Variants in TRPM3 observed in about 807,000 individuals in gnomAD.
TRPM3 encodes transient receptor potential cation channel subfamily M member 3.
A neutral mutation model predicts 181.2 loss-of-function variants in TRPM3; 77 were observed. The observed-to-expected ratio is 0.42, with a 90% CI of 0.35 to 0.51. The LOEUF (loss-of-function observed/expected upper bound fraction) is 0.51. Among genes scored for constraint, TRPM3 ranks in the 20% least tolerant of loss-of-function variants. The pLI is 0.01. For missense variants in TRPM3, 1,759 were observed against 2,196.7 expected (o/e 0.80, Z 3.98); for synonymous variants, 745 against 796.4 (o/e 0.94, Z 1.09).
intron 1 of TRPM3, among the ~76,000 whole-genome samples, chr9:71,162,504 T>C (rs917412466): frequency 6.0e-4 from 91 of 152,252 alleles, no homozygotes; most frequent in African/African-American, 1.9e-3. Context: ...ATTTTACATA[T>C]ATAGCTTCAT....
At chr9:70,630,996 T>C (rs1402625980) in intron 12 of TRPM3, among the ~76,000 whole-genome samples, 1 of 152,236 alleles carries the variant, frequency 6.6e-6, no homozygotes, top group African/African-American at 2.4e-5. Flanking sequence ...TTAGGAAAAC[T>C]GTCTTCCTTT....
Position 70,637,886 on chromosome 9 carries a change from A to G in TRPM3, c.1581+1174T>C, listed in dbSNP as rs2057463266. ...TGGTTTGAATGTTTGTGTCCTCTCC[A>G]GAATTCATGTTGAAAGTTAATTTCC... On this transcript the variant is annotated intron_variant, in intron 11 of 25. Coordinates refer to ENST00000677713, the MANE Select transcript of TRPM3 (RefSeq NM_001366145.2). 2.0e-5 allele frequency among the ~76,000 whole-genome samples: 3 copies of G among 152,300 alleles called. No homozygotes were observed. The South Asian group carries it at 6.2e-4, about 32-fold the overall frequency.
At chr9:71,170,825 C>T (rs2076813300) in intron 1 of TRPM3, among the ~76,000 whole-genome samples, 1 of 151,994 alleles carries the variant, frequency 6.6e-6, no homozygotes, top group African/African-American at 2.4e-5. Context: ...AATGTGGGCA[C>T]CTTGAAAAAA....
chr9:70,956,296 CTTTTTTTTTTTT>C (rs537484746), intron 1 of TRPM3, among the ~76,000 whole-genome samples: 2 of 97,142 alleles, frequency 2.1e-5, no homozygotes, highest in African/African-American at 8.0e-5. Flanking sequence ...AGAAATACAC[CTTTTTTTTTTTT>C]TTTTTTTTTT....
chr9:70,560,846 CA>C (rs1236664866), intron 22 of TRPM3, among the ~76,000 whole-genome samples: 5 of 152,182 alleles, frequency 3.3e-5, no homozygotes, highest in South Asian at 2.1e-4. Flanking sequence ...TAAGAGGTAT[CA>C]GGGGCAGGCA....
At chr9:70,781,395 T>A (rs1033299449) in intron 7 of TRPM3, among the ~76,000 whole-genome samples, 2 of 148,402 alleles carry the variant, frequency 1.3e-5, no homozygotes, top group African/African-American at 2.5e-5. Flanking sequence ...TGTTGTATAA[T>A]GGCCTAGGTA....
At chr9:71,041,793 A>G (rs1289430119) in intron 1 of TRPM3, among the ~76,000 whole-genome samples, 2 of 152,114 alleles carry the variant, frequency 1.3e-5, no homozygotes, top group African/African-American at 4.8e-5. Flanking sequence ...AAACCTGTTC[A>G]GGTAGGATTT....
At chr9:70,841,652 ATATATAT>A (rs2094651330) in intron 5 of TRPM3, among the ~76,000 whole-genome samples, 1 of 117,374 alleles carries the variant, frequency 8.5e-6, no homozygotes, top group Non-Finnish European at 1.7e-5. Flanking sequence ...ATATATATAT[ATATATAT>A]ATCCCACCAT....
chr9:70,977,158 G>A (rs2097312027), intron 1 of TRPM3, among the ~76,000 whole-genome samples: 2 of 151,958 alleles, frequency 1.3e-5, no homozygotes, highest in Admixed American at 1.3e-4. Context: ...TTTTTGAGAT[G>A]GAGTCTTGCT....
intron 9 of TRPM3, among the ~76,000 whole-genome samples, chr9:70,659,744 T>G (rs888747193): frequency 3.3e-5 from 5 of 152,188 alleles, no homozygotes; most frequent in African/African-American, 1.2e-4. Flanking sequence ...CAAAATAATG[T>G]TAATATTTTT....
intron 1 of TRPM3, among the ~76,000 whole-genome samples, chr9:71,341,870 A>G (rs1207458927): frequency 6.6e-6 from 1 of 152,026 alleles, no homozygotes; most frequent in Admixed American, 6.6e-5. Flanking sequence ...AAAATGCCAT[A>G]AAGTCAAAGA....
At chr9:71,127,315 A>ACACACACACACACACACACACACACC (rs755435076) in intron 1 of TRPM3, among the ~76,000 whole-genome samples, 9 of 151,548 alleles carry the variant, frequency 5.9e-5, no homozygotes, top group Admixed American at 1.3e-4. Context: ...ACACACACAC[A>ACACACACACACACACACACACACACC]CCCCTGAACT....
chr9:70,620,588 C>A (rs983233677), intron 15 of TRPM3, among the ~76,000 whole-genome samples: 1 of 152,152 alleles, frequency 6.6e-6, no homozygotes, highest in South Asian at 2.1e-4. Flanking sequence ...CAGTGTTACA[C>A]TCTGATTAAA....
intron 1 of TRPM3, among the ~76,000 whole-genome samples, chr9:71,439,412 A>G (rs2094100252): frequency 6.6e-6 from 1 of 152,234 alleles, no homozygotes; most frequent in African/African-American, 2.4e-5. Context: ...ACACATCAAT[A>G]CACTTAATGT....
intron 1 of TRPM3, among the ~76,000 whole-genome samples, chr9:71,012,772 A>G (rs144278632): frequency 1.3e-4 from 19 of 151,980 alleles, no homozygotes; most frequent in African/African-American, 4.1e-4. Context: ...GAAATTTTTT[A>G]TGGTTTGTGT....
intron 1 of TRPM3, among the ~76,000 whole-genome samples, chr9:70,999,003 C>T (rs1354249632): frequency 6.6e-6 from 1 of 152,092 alleles, no homozygotes; most frequent in South Asian, 2.1e-4. Flanking sequence ...TCTAGCAAAC[C>T]CCCTATTTCT....
At chr9:71,233,237 C>T (rs1335065601) in intron 1 of TRPM3, among the ~76,000 whole-genome samples, 1 of 152,112 alleles carries the variant, frequency 6.6e-6, no homozygotes, top group Non-Finnish European at 1.5e-5. Flanking sequence ...CTTTAAAATT[C>T]AAAAGGAGAA....
At chr9:70,816,953 A>C (rs2092744742) in intron 6 of TRPM3, among the ~76,000 whole-genome samples, 1 of 152,260 alleles carries the variant, frequency 6.6e-6, no homozygotes, top group Non-Finnish European at 1.5e-5. Context: ...CAAAAGGGCA[A>C]GATATGACTT....
chr9:71,348,171 C>A (rs2091400368), intron 1 of TRPM3, among the ~76,000 whole-genome samples: 1 of 152,146 alleles, frequency 6.6e-6, no homozygotes, highest in South Asian at 2.1e-4. Context: ...TACACAGAGA[C>A]ACATTTCAGT....
Sources: allele counts gnomAD v4.1 joint callset (sites outside exome capture counted in the v4.1 genomes callset), GRCh38; gene constraint gnomAD v4.1.1; transcripts MANE v1.5; gene names NCBI Gene and HGNC (gene_info 2026-07-23, HGNC 2026-07-21).